Variants in PALM2AKAP2 observed in about 807,000 individuals in gnomAD.
PALM2AKAP2 encodes the protein PALM2 and AKAP2 fusion, also known as PALM2-AKAP2 fusion protein.
In PALM2AKAP2, 37 loss-of-function variants were observed where a neutral mutation model predicts 71.5. The ratio of observed to expected loss-of-function variants is 0.52; its 90% CI spans 0.40 to 0.68. PALM2AKAP2 has a LOEUF of 0.68. Ranked by LOEUF, PALM2AKAP2 falls within the 30% of genes least tolerant of loss-of-function variation. PALM2AKAP2 has a pLI of 0.00. For synonymous variants in PALM2AKAP2, 468 were observed against 478.8 expected, an observed-to-expected ratio of 0.98 and a Z score of 0.29; for missense variants, 1,224 against 1,191.8, an observed-to-expected ratio of 1.03 and a Z score of -0.40.
chr9:109,749,822 G>C lies in PALM2AKAP2; in HGVS notation c.6-30666G>C, dbSNP rs576265846. Among the ~76,000 whole-genome samples, 107 of 152,284 alleles carry C rather than the reference G, an allele frequency of 7.0e-4. No homozygotes were observed. In the South Asian group the frequency reaches 8.5e-3, roughly 12 times the overall value. On this transcript the variant is annotated intron_variant, in intron 1 of 6. Coordinates refer to the PALM2AKAP2 transcript ENST00000374531. ...AGAGGCTAATAAGTTCTAGTCCCCTGCTCCCAAGGAGTTCGTTGTCAACCT... is the reference window on the plus strand; with the variant it reads ...AGAGGCTAATAAGTTCTAGTCCCCTCCTCCCAAGGAGTTCGTTGTCAACCT...
At position 109,929,169 on chromosome 9, in the gene PALM2AKAP2, G is replaced by GTTTT. The variant is rs35064231; in HGVS notation, c.395-2748_395-2745dup. Among the ~76,000 whole-genome samples, 60 of 137,790 alleles carry GTTTT rather than the reference G, an allele frequency of 4.4e-4. 1 individual carries two copies. The highest frequency in any genetic ancestry group is 1.3e-3 in the African/African-American group (50 of 37,408). 90.4% of individuals were successfully genotyped at this position (137,790 alleles called of 152,430 possible). On this transcript the variant is annotated intron_variant, in intron 5 of 9. Coordinates refer to the PALM2AKAP2 transcript ENST00000302798. Reference sequence around the variant, plus strand: ...ATGGAAAATTCCCTGTCTGTAAGTAGTTTTTTTTTTTTTGTTTCTTTTTTA... The same window carrying GTTTT: ...ATGGAAAATTCCCTGTCTGTAAGTAGTTTTTTTTTTTTTTTTTGTTTCTTTTTTA...
chr9:109,733,153 T>A (rs772829640), intron 1 of PALM2AKAP2, among the ~76,000 whole-genome samples: 9 of 151,998 alleles, frequency 5.9e-5, no homozygotes, highest in Non-Finnish European at 1.2e-4. Flanking sequence ...GAAGGAAGAA[T>A]GAGGAAACTA....
intron 2 of PALM2AKAP2, among the ~76,000 whole-genome samples, chr9:110,140,688 TC>T (rs979002307): frequency 3.3e-5 from 5 of 152,276 alleles, no homozygotes; most frequent in Admixed American, 6.5e-5. Flanking sequence ...TAGCCCTCCT[TC>T]CCCCACACTC....
At chr9:110,164,439 G>T (rs1024594456) in intron 3 of PALM2AKAP2, among the ~76,000 whole-genome samples, 1 of 151,932 alleles carries the variant, frequency 6.6e-6, no homozygotes, top group Non-Finnish European at 1.5e-5. Flanking sequence ...ATATTAAAGG[G>T]TTGTTGAGAG....
intron 2 of PALM2AKAP2, among the ~76,000 whole-genome samples, chr9:109,875,724 C>G (rs1821577212): frequency 6.6e-6 from 1 of 152,190 alleles, no homozygotes; most frequent in Admixed American, 6.5e-5. Flanking sequence ...TCTGCATCTC[C>G]ATGGGTGGGT....
At chr9:110,142,218 T>A (rs1455504570) in intron 2 of PALM2AKAP2, among the ~76,000 whole-genome samples, 1 of 151,888 alleles carries the variant, frequency 6.6e-6, no homozygotes, top group Non-Finnish European at 1.5e-5. Context: ...ATTACAGGTG[T>A]CCATCACCAT....
chr9:109,902,945 C>T (rs1403813035), intron 3 of PALM2AKAP2, among the ~76,000 whole-genome samples: 1 of 152,130 alleles, frequency 6.6e-6, no homozygotes, highest in Non-Finnish European at 1.5e-5. Flanking sequence ...CCCAGGTCTA[C>T]TTTATGTAGG....
intron 7 of PALM2AKAP2, among the ~76,000 whole-genome samples, chr9:110,035,074 T>G (rs1833356500): frequency 6.6e-6 from 1 of 151,106 alleles, no homozygotes; most frequent in East Asian, 1.9e-4. Context: ...TCATATGAAA[T>G]ACTAAGTTCT....
At chr9:109,903,596 G>A (rs1037802225) in intron 3 of PALM2AKAP2, among the ~76,000 whole-genome samples, 2 of 152,170 alleles carry the variant, frequency 1.3e-5, no homozygotes, top group African/African-American at 4.8e-5. Flanking sequence ...GTTCAGTGTT[G>A]TGGACATTTA....
chr9:109,896,995 T>C (rs1350347902), intron 3 of PALM2AKAP2, among the ~76,000 whole-genome samples: 1 of 152,138 alleles, frequency 6.6e-6, no homozygotes, highest in Non-Finnish European at 1.5e-5. Context: ...TTTTTAGATA[T>C]GAATCCCATG....
chr9:109,730,969 G>A (rs1828549246), intron 1 of PALM2AKAP2, among the ~76,000 whole-genome samples: 1 of 151,842 alleles, frequency 6.6e-6, no homozygotes, highest in African/African-American at 2.4e-5. Context: ...TGCATATTTA[G>A]ATAACTATTC....
intron 1 of PALM2AKAP2, among the ~76,000 whole-genome samples, chr9:109,748,271 T>C (rs568626419): frequency 6.6e-6 from 1 of 152,174 alleles, no homozygotes; most frequent in African/African-American, 2.4e-5. Flanking sequence ...ACTCTTTCCA[T>C]CTGGACTTGG....
At chr9:110,144,654 C>CA (rs1421815676) in intron 2 of PALM2AKAP2, among the ~76,000 whole-genome samples, 1 of 152,176 alleles carries the variant, frequency 6.6e-6, no homozygotes, top group East Asian at 1.9e-4. Context: ...TCTGGGTCAA[C>CA]ACCCTGTGAT....
chr9:110,016,890 T>G (rs116117961), intron 7 of PALM2AKAP2, among the ~76,000 whole-genome samples: 1 of 152,090 alleles, frequency 6.6e-6, no homozygotes, highest in Non-Finnish European at 1.5e-5. Context: ...AGATATTTCT[T>G]TTTTTTTGAG....
At chr9:109,787,656 C>A (rs1378786465) in intron 1 of PALM2AKAP2, among the ~76,000 whole-genome samples, 1 of 152,104 alleles carries the variant, frequency 6.6e-6, no homozygotes. Flanking sequence ...TTAATTTATG[C>A]CTTGTGAGAA....
chr9:109,943,235 A>T, intron 6 of PALM2AKAP2: 1 of 1,614,238 alleles, frequency 6.2e-7, no homozygotes, highest in Non-Finnish European at 8.5e-7. Flanking sequence ...GATGATGAGA[A>T]GTCATTGAGG....
intron 7 of PALM2AKAP2, among the ~76,000 whole-genome samples, chr9:110,016,799 A>G (rs537845802): frequency 2.0e-5 from 3 of 152,350 alleles, no homozygotes; most frequent in African/African-American, 7.2e-5. Context: ...TTGAATGATT[A>G]TAATTTGAAT....
chr9:109,735,054 C>T (rs1017477685), intron 1 of PALM2AKAP2, among the ~76,000 whole-genome samples: 2 of 151,774 alleles, frequency 1.3e-5, no homozygotes, highest in Non-Finnish European at 2.9e-5. Context: ...GAAATAATAG[C>T]AACTCCAAAT....
chr9:110,140,281 G>A (rs4978873), intron 2 of PALM2AKAP2, among the ~76,000 whole-genome samples: 41,368 of 152,076 alleles, frequency 0.27, 6,203 homozygotes, highest in East Asian at 0.66. Flanking sequence ...TGGCTAACTT[G>A]TATGTCCTTT....
Sources: gnomAD v4.1 joint callset for allele counts (sites outside exome capture counted in the v4.1 genomes callset) on GRCh38, gnomAD v4.1.1 for gene constraint, MANE v1.5 for transcripts, NCBI Gene and HGNC (gene_info 2026-07-23, HGNC 2026-07-21) for gene names.